Variants in ZNF124 observed in about 807,000 individuals in gnomAD.
ZNF124 encodes the protein zinc finger protein 124.
A neutral mutation model predicts 26.6 loss-of-function variants in ZNF124; 25 were observed. The observed-to-expected ratio is 0.94, with a 90% CI of 0.68 to 1.31. ZNF124 has a LOEUF of 1.31. ZNF124 is among the 40% of genes most tolerant of loss of function. ZNF124 has a pLI of 0.00. For synonymous variants in ZNF124, 129 were observed against 133.3 expected (o/e 0.97, Z 0.22); for missense variants, 444 against 422.2 (o/e 1.05, Z -0.45).
At chr1:247,134,154 C>G (rs1037362324) in intron 3 of ZNF124, among the ~76,000 whole-genome samples, 6 of 152,074 alleles carry the variant, frequency 3.9e-5, no homozygotes, top group Non-Finnish European at 8.8e-5. Context: ...AAAAACACAC[C>G]AAAATATAAA....
chr1:247,161,602 A>G lies in ZNF124; in HGVS notation c.31-1789T>C, dbSNP rs117323199. Among the ~76,000 whole-genome samples the G allele has an allele frequency of 1.6e-3, 244 of 152,218 alleles. 7 individuals are homozygous for G. In the East Asian group the frequency reaches 0.043, roughly 27 times the overall value. ...AAAATAAAAATCTGCAATACATGCA[A>G]TATAAAAGAAATTAGTGTGCACAGT... is the stretch of plus-strand genomic sequence containing the variant. On this transcript the variant is annotated intron_variant, in intron 1 of 3. Transcript: ENST00000543802.
At chr1:247,148,886 C>T (rs996015324) in intron 3 of ZNF124, among the ~76,000 whole-genome samples, 6 of 151,962 alleles carry the variant, frequency 3.9e-5, no homozygotes, top group Non-Finnish European at 7.4e-5. Flanking sequence ...AGGAGAATGG[C>T]GTGAACCCAG....
In ZNF124 at chr1:247,131,214, G is replaced by A. The variant is rs538508634; in HGVS notation, c.219-7343C>T. On this transcript the variant is annotated intron_variant, in intron 3 of 3. Transcript: ENST00000472531. Reference sequence around the variant, plus strand: ...GCTGCGGCCCACCTGAGAGCCAGGCGGGGAAGGGGAGCCTCCTCCTCCAGC... The same window carrying A: ...GCTGCGGCCCACCTGAGAGCCAGGCAGGGAAGGGGAGCCTCCTCCTCCAGC... 1.9e-3 allele frequency among the ~76,000 whole-genome samples: 293 copies of A among 152,310 alleles called. 3 individuals are homozygous for A. The highest frequency in any genetic ancestry group is 6.7e-3 in the African/African-American group (279 of 41,566).
rs1374489714 is a variant in ZNF124 at position 247,157,098 on chromosome 1, T to C, written c.524A>G (p.Glu175Gly). ...LNRHKRIHTG[E>G]KRYECKQCGK... ...ACATTGCTTACATTCATAGCGTTTTTCTCCAGTGTGAATCCTTTTATGTCT... is the reference window on the plus strand; with the variant it reads ...ACATTGCTTACATTCATAGCGTTTTCCTCCAGTGTGAATCCTTTTATGTCT... The change falls in exon 4 of 4, where the codon GAA (glutamate) becomes GGA (glycine). Residue 175 changes from glutamate (E) to glycine (G), a missense_variant. Coordinates refer to ENST00000543802, the MANE Select transcript of ZNF124 (RefSeq NM_001297568.2). 6.2e-7 allele frequency: 1 copy of C among 1,614,090 alleles called. No individual in the cohort carries two copies. Among genetic ancestry groups the C allele is most frequent in the Non-Finnish European group, 8.5e-7 (1 of 1,180,050 alleles).
At chr1:247,167,566 A>G (rs1202295133) in intron 1 of ZNF124, among the ~76,000 whole-genome samples, 3 of 152,196 alleles carry the variant, frequency 2.0e-5, no homozygotes, top group African/African-American at 7.2e-5. Context: ...AAACTACCCA[A>G]AAGAAGAGAC....
intron 3 of ZNF124, among the ~76,000 whole-genome samples, chr1:247,147,496 A>G (rs752192097): frequency 3.9e-4 from 60 of 152,134 alleles, no homozygotes; most frequent in Non-Finnish European, 7.5e-4. Flanking sequence ...AAGTGCTGAG[A>G]TTACAGGCGT....
intron 1 of ZNF124, among the ~76,000 whole-genome samples, chr1:247,166,299 T>C (rs1420787890): frequency 1.3e-5 from 2 of 152,238 alleles, no homozygotes; most frequent in Non-Finnish European, 2.9e-5. Context: ...GAAAGCAGTG[T>C]GGTGATTTCT....
chr1:247,135,028 C>T (rs557166331), intron 3 of ZNF124, among the ~76,000 whole-genome samples: 1 of 152,176 alleles, frequency 6.6e-6, no homozygotes, highest in African/African-American at 2.4e-5. Flanking sequence ...AAGCAGAAAT[C>T]AAGAAGTTCT....
At chr1:247,149,660 T>A (rs1342398552) in intron 3 of ZNF124, among the ~76,000 whole-genome samples, 1 of 152,196 alleles carries the variant, frequency 6.6e-6, no homozygotes, top group Admixed American at 6.5e-5. Context: ...GACTACATAG[T>A]GGTTTCCAGG....
downstream of ZNF124, among the ~76,000 whole-genome samples, chr1:247,151,655 CAT>C (rs539722936): frequency 9.9e-5 from 15 of 152,134 alleles, no homozygotes; most frequent in East Asian, 1.9e-4. Flanking sequence ...GATTATTACA[CAT>C]GTTCCCAACA....
In ZNF124 at chr1:247,156,870, C is replaced by T. The variant is rs1319020466; in HGVS notation, c.752G>A (p.Gly251Glu). Residue 251 changes from glycine (G) to glutamate (E), a missense_variant, in exon 4 of 4, where the codon GGA becomes GAA. By Grantham distance (98) the Gly-to-Glu change is moderately conservative. Coordinates refer to ENST00000543802, the MANE Select transcript of ZNF124 (RefSeq NM_001297568.2). The stretch of plus-strand genomic sequence containing the variant: ...TTCACCAGCATGAGCCTTTATATGT[C>T]CTTGCAAGGAACTGAGACAACTGAA... The part of the protein sequence containing the change: ...KAFSCLSSLQ[G>E]HIKAHAGEEP... 15 of 1,614,068 alleles carry T rather than the reference C, an allele frequency of 9.3e-6. No individual in the cohort carries two copies. Among genetic ancestry groups the T allele is most frequent in the Admixed American group, 3.3e-5 (2 of 60,012 alleles).
At chr1:247,123,637 G>T in exon 4 of ZNF124, 1 of 474,878 alleles carries the variant, frequency 2.1e-6, no homozygotes, top group Non-Finnish European at 3.7e-6. Flanking sequence ...GGAGGCAGTT[G>T]TTCCAAATGG....
chr1:247,125,430 C>CTTTTGT (rs1672188397), intron 3 of ZNF124, among the ~76,000 whole-genome samples: 1 of 43,306 alleles, frequency 2.3e-5, no homozygotes, highest in Non-Finnish European at 4.3e-5. Flanking sequence ...CTGTTTTTGT[C>CTTTTGT]TTTTTTTTTT....
chr1:247,169,319 T>C (rs1230632187), intron 1 of ZNF124, among the ~76,000 whole-genome samples: 1 of 152,162 alleles, frequency 6.6e-6, no homozygotes, highest in African/African-American at 2.4e-5. Flanking sequence ...AGGACCAACC[T>C]CCCAGCGCAA....
At chr1:247,161,373 G>GA (rs1006020537) in intron 1 of ZNF124, among the ~76,000 whole-genome samples, 2 of 151,958 alleles carry the variant, frequency 1.3e-5, no homozygotes, top group African/African-American at 4.8e-5. Flanking sequence ...ATTTAATTGG[G>GA]AAAAAAATGA....
In ZNF124 at chr1:247,130,945, G is replaced by A. The variant is rs562794876; in HGVS notation, c.219-7074C>T. Among the ~76,000 whole-genome samples the A allele has an allele frequency of 9.2e-5, 14 of 152,242 alleles. No homozygotes were observed. In the East Asian group the frequency reaches 1.5e-3, roughly 17 times the overall value. ...CGAAAAATTAGCTGGGCGTGGTGGC[G>A]TATGCCTGTAATCCCAGCTACTCGG... On this transcript the variant is annotated intron_variant, in intron 3 of 3. Transcript: ENST00000472531.
intron 3 of ZNF124, among the ~76,000 whole-genome samples, chr1:247,132,256 A>AACAACAAC (rs1672384753): frequency 6.9e-6 from 1 of 144,722 alleles, no homozygotes; most frequent in African/African-American, 2.7e-5. Flanking sequence ...ACAACAACAA[A>AACAACAAC]AAAGGCCCTC....
At chr1:247,136,269 C>T (rs538864459) in intron 3 of ZNF124, among the ~76,000 whole-genome samples, 4 of 152,110 alleles carry the variant, frequency 2.6e-5, no homozygotes, top group South Asian at 4.1e-4. Context: ...AGCCCCAAAA[C>T]GTTTTGAACT....
chr1:247,157,111 T>G lies in ZNF124; in HGVS notation c.511A>C (p.Ile171Leu). ...TCATAGCGTTTTTCTCCAGTGTGAA[T>G]CCTTTTATGTCTATTAAGAGAACGG... ...FSRSLNRHKR[I>L]HTGEKRYECK... The change falls in exon 4 of 4, where the codon ATT (isoleucine) becomes CTT (leucine). Residue 171 changes from isoleucine (I) to leucine (L), a missense_variant. Transcript: ENST00000543802. The G allele has an allele frequency of 6.2e-7, 1 of 1,614,158 alleles. No individual in the cohort carries two copies. Among genetic ancestry groups the G allele is most frequent in the South Asian group, 1.1e-5 (1 of 91,076 alleles).
Sources: gnomAD v4.1 joint callset for allele counts (sites outside exome capture counted in the v4.1 genomes callset) on GRCh38, gnomAD v4.1.1 for gene constraint, MANE v1.5 for transcripts, NCBI Gene and HGNC (gene_info 2026-07-23, HGNC 2026-07-21) for gene names.